The following MILR1 variants were observed in gnomAD, a reference collection of about 807,000 sequenced individuals.
MILR1 encodes the protein mast cell immunoglobulin like receptor 1.
MILR1 carries 31 observed loss-of-function variants against 18.5 expected under a neutral mutation model. That is an observed-to-expected ratio of 1.68 (90% CI 1.26 to 2.26). The LOEUF is 2.26. MILR1 is among the 30% of genes most tolerant of loss of function. The pLI is 0.00. For synonymous variants in MILR1, 85 were observed against 56.2 expected (o/e 1.51, Z -2.30); for missense variants, 257 against 157.4 (o/e 1.63, Z -3.38).
the MILR1 span, chr17:64,483,137 G>C: frequency 7.0e-6 from 4 of 572,184 alleles, no homozygotes; most frequent in Non-Finnish European, 1.3e-5. Context: ...TGTGAAAACA[G>C]AAGTTAGCTG....
the MILR1 span, among the ~76,000 whole-genome samples, chr17:64,479,093 C>T: frequency 1.3e-5 from 2 of 151,810 alleles, no homozygotes; most frequent in Non-Finnish European, 2.9e-5. Flanking sequence ...CAAGAAAGTT[C>T]AAGTGCTGCC....
rs1555663951 is a variant in MILR1, at chr17:64,468,432, G to A, written c.*151G>A. On this transcript the variant is annotated 3_prime_UTR_variant, in exon 10 of 10. Coordinates refer to ENST00000619286, the MANE Select transcript of MILR1 (RefSeq NM_001085423.2). Reference sequence around the variant, plus strand: ...ACCTCCCGAGTAGCTGGGATTACAGGTGCCCGCTACCACGCCCAGCTAATT... The same window carrying A: ...ACCTCCCGAGTAGCTGGGATTACAGATGCCCGCTACCACGCCCAGCTAATT... The A allele has an allele frequency of 2.6e-6, 1 of 388,328 alleles. No individual in the cohort carries two copies. Among genetic ancestry groups the A allele is most frequent in the African/African-American group, 2.1e-5 (1 of 46,642 alleles). The allele number at this position is 388,328 out of a possible 1,614,324, so 24.1% of individuals were successfully genotyped here.
At chr17:64,491,437 A>G in the MILR1 span, 1 of 815,400 alleles carries the variant, frequency 1.2e-6, no homozygotes, top group Non-Finnish European at 1.9e-6. Context: ...TCTACAAATA[A>G]TAAAAGAAGT....
intron 5 of MILR1, among the ~76,000 whole-genome samples, chr17:64,461,690 C>T (rs1375767060): frequency 6.6e-6 from 1 of 152,088 alleles, no homozygotes; most frequent in African/African-American, 2.4e-5. Flanking sequence ...CATTGTCATG[C>T]ACCCTTCTCC....
chr17:64,468,094 C>T (rs2037620152), intron 9 of MILR1, among the ~76,000 whole-genome samples: 1 of 151,972 alleles, frequency 6.6e-6, no homozygotes, highest in Non-Finnish European at 1.5e-5. Context: ...GTTTTAGTCC[C>T]CTAGGGCTGC....
At position 64,454,422 on chromosome 17, in the gene MILR1, T is replaced by G. The variant is rs905016979; in HGVS notation, c.367+1556T>G. Among the ~76,000 whole-genome samples, 17 of 152,244 alleles carry G rather than the reference T, an allele frequency of 1.1e-4. No homozygotes were observed. The South Asian group carries it at 3.5e-3, about 32-fold the overall frequency. ...ATTAAAATTAGATGAAATAAAAAATTTCCCTCCACAGTCTCAGTTACATTT... is the reference window on the plus strand; with the variant it reads ...ATTAAAATTAGATGAAATAAAAAATGTCCCTCCACAGTCTCAGTTACATTT... On this transcript the variant is annotated intron_variant, in intron 3 of 9. Coordinates refer to ENST00000619286, the MANE Select transcript of MILR1 (RefSeq NM_001085423.2).
rs773028483 is a variant in MILR1 at position 64,467,897 on chromosome 17, T to C, written c.*28+252T>C. 9.9e-4 allele frequency: 286 copies of C among 288,318 alleles called. 1 individual carries two copies. Among genetic ancestry groups the C allele is most frequent in the Non-Finnish European group, 1.4e-3 (220 of 159,110 alleles). The allele number at this position is 288,318 out of a possible 1,614,324, so 17.9% of individuals were successfully genotyped here. A position where few individuals can be genotyped will look rare whatever the true frequency, so the allele number is the denominator to read the frequency against. ...TTGCAGTGAGCCAAGATCGTGCCAC[T>C]GCACTACAGCCTGGGCGACAAGAGC... On this transcript the variant is annotated intron_variant, in intron 9 of 9. Transcript: ENST00000619286.
intron 2 of MILR1, among the ~76,000 whole-genome samples, chr17:64,450,782 T>C (rs2037152491): frequency 6.6e-6 from 1 of 151,922 alleles, no homozygotes; most frequent in Non-Finnish European, 1.5e-5. Context: ...ACACCAGCCT[T>C]AGCTCCTCTT....
At chr17:64,492,327 T>C in the MILR1 span, among the ~76,000 whole-genome samples, 4 of 152,192 alleles carry the variant, frequency 2.6e-5, no homozygotes, top group Non-Finnish European at 5.9e-5. Flanking sequence ...CCATTTTGAC[T>C]AATATGGAAA....
chr17:64,485,860 A>G, the MILR1 span: 1 of 1,614,100 alleles, frequency 6.2e-7, no homozygotes, highest in South Asian at 1.1e-5. Context: ...TTTTTCGTCC[A>G]TCTCGGCCCT....
chr17:64,476,196 G>A, the MILR1 span, among the ~76,000 whole-genome samples: 1 of 152,034 alleles, frequency 6.6e-6, no homozygotes, highest in Non-Finnish European at 1.5e-5. Context: ...ATAAATGTAT[G>A]TATCTGTCAG....
intron 4 of MILR1, among the ~76,000 whole-genome samples, chr17:64,458,005 G>A (rs1430957622): frequency 3.9e-5 from 6 of 152,166 alleles, no homozygotes; most frequent in Admixed American, 3.9e-4. Flanking sequence ...AGGGGGACTT[G>A]TGGCAAAACT....
chr17:64,465,190 G>A (rs2037525179), intron 5 of MILR1, among the ~76,000 whole-genome samples: 1 of 152,214 alleles, frequency 6.6e-6, no homozygotes, highest in Non-Finnish European at 1.5e-5. Flanking sequence ...AAATAAGTCT[G>A]GCTAGTTCAG....
the MILR1 span, among the ~76,000 whole-genome samples, chr17:64,487,874 A>G: frequency 6.6e-6 from 1 of 152,094 alleles, no homozygotes; most frequent in African/African-American, 2.4e-5. Context: ...ATTGTTTTCT[A>G]ATTTTTTGAA....
At position 64,460,831 on chromosome 17, in the gene MILR1, G is replaced by GCTTT. The variant is rs2037415008; in HGVS notation, c.664_665insTTCT (p.Cys222PhefsTer41). 3 of 475,022 alleles carry GCTTT rather than the reference G, an allele frequency of 6.3e-6. No homozygotes were observed. The highest frequency in any genetic ancestry group is 1.2e-5 in the Non-Finnish European group (3 of 258,830). The allele number at this position is 475,022 out of a possible 1,614,324, so 29.4% of individuals were successfully genotyped here. A position where few individuals can be genotyped will look rare whatever the true frequency, so the allele number is the denominator to read the frequency against. On this transcript the variant is annotated frameshift_variant, in exon 5 of 10. Transcript: ENST00000619286. LOFTEE classifies it high-confidence loss of function. ...TGCGGTCTTCTTCCAGGCGGAGACA[G>GCTTT]CTGTCCTTTCTGTCTGAAGCTACTA...
intron 8 of MILR1, among the ~76,000 whole-genome samples, chr17:64,467,106 T>C (rs1413516885): frequency 6.6e-6 from 1 of 151,514 alleles, no homozygotes; most frequent in Non-Finnish European, 1.5e-5. Context: ...TTTCTTTCTT[T>C]CCTGCCTTTC....
At chr17:64,477,355 A>C in the MILR1 span, among the ~76,000 whole-genome samples, 641 of 152,256 alleles carry the variant, frequency 4.2e-3, 2 homozygotes, top group Middle Eastern at 0.014. Flanking sequence ...TGTCTGGAAA[A>C]GTTTTTACTT....
At chr17:64,476,742 T>C in the MILR1 span, among the ~76,000 whole-genome samples, 42,000 of 151,730 alleles carry the variant, frequency 0.28, 11,208 homozygotes, top group African/African-American at 0.7. Context: ...TATCCCATCA[T>C]TTTAGGAGGT....
downstream of MILR1, among the ~76,000 whole-genome samples, chr17:64,473,220 G>A (rs368194716): frequency 2.6e-5 from 4 of 151,912 alleles, no homozygotes; most frequent in African/African-American, 4.8e-5. Flanking sequence ...GCGAGGTGGC[G>A]GGCACCTGTA....
Sources: gnomAD v4.1 joint callset for allele counts (sites outside exome capture counted in the v4.1 genomes callset) on GRCh38, gnomAD v4.1.1 for gene constraint, MANE v1.5 for transcripts, NCBI Gene and HGNC (gene_info 2026-07-23, HGNC 2026-07-21) for gene names.